RCAN2: variants seen among roughly 807,000 people sequenced by gnomAD.
RCAN2 encodes the protein calcipressin-2.
RCAN2 carries 9 observed loss-of-function variants against 23.6 expected under a neutral mutation model. That is an observed-to-expected ratio of 0.38 (90% CI 0.23 to 0.67). RCAN2 has a LOEUF of 0.67. Among genes scored for constraint, RCAN2 ranks in the 30% least tolerant of loss-of-function variants. RCAN2 has a pLI of 0.51. For missense variants in RCAN2, 273 were observed against 302.3 expected (o/e 0.90, Z 0.72); for synonymous variants, 109 against 115.7 (o/e 0.94, Z 0.37).
intron 2 of RCAN2, among the ~76,000 whole-genome samples, chr6:46,270,974 T>A (rs1767505083): frequency 6.6e-6 from 1 of 152,154 alleles, no homozygotes; most frequent in African/African-American, 2.4e-5. Context: ...CTTGTGAGAG[T>A]CCCTGAGCTA....
intron 1 of RCAN2, among the ~76,000 whole-genome samples, chr6:46,468,610 C>G (rs578008189): frequency 1.1e-3 from 174 of 152,142 alleles, no homozygotes; most frequent in Non-Finnish European, 1.5e-3. Flanking sequence ...CATTTATTGA[C>G]GTTTTTACAT....
intron 3 of RCAN2, 37 bp from the exon 4 acceptor site, chr6:46,246,956 C>G (rs190582768): frequency 6.8e-7 from 1 of 1,467,682 alleles, no homozygotes; most frequent in African/African-American, 1.4e-5. Context: ...ACTTATTCAT[C>G]ATGGCTTCAG....
Position 46,488,386 on chromosome 6 carries a change from T to G in RCAN2, c.-3+2787A>C, listed in dbSNP as rs142002435. The stretch of plus-strand genomic sequence containing the variant: ...AGTTCTAACTTCCTTGTGTTCAGTA[T>G]GTAGTAAGCACTGAATAAATGTTAG... On this transcript the variant is annotated intron_variant, in intron 1 of 4. Coordinates refer to ENST00000371374, the MANE Select transcript of RCAN2 (RefSeq NM_001251974.2). Among the ~76,000 whole-genome samples, 336 of 152,358 alleles carry G rather than the reference T, an allele frequency of 2.2e-3. 1 individual carries two copies. Among genetic ancestry groups the G allele is most frequent in the African/African-American group, 7.7e-3 (322 of 41,594 alleles).
chr6:46,397,666 T>C (rs988527564), intron 2 of RCAN2, among the ~76,000 whole-genome samples: 4 of 152,144 alleles, frequency 2.6e-5, no homozygotes, highest in African/African-American at 9.7e-5. Flanking sequence ...ACCCTTTACA[T>C]GTAAAAAAAT....
intron 2 of RCAN2, among the ~76,000 whole-genome samples, chr6:46,393,168 C>T (rs1024711001): frequency 6.6e-6 from 1 of 152,122 alleles, no homozygotes; most frequent in Non-Finnish European, 1.5e-5. Flanking sequence ...AACCACTTGA[C>T]CTTTAAGGGC....
chr6:46,262,087 G>A (rs1315524577), intron 2 of RCAN2, among the ~76,000 whole-genome samples: 2 of 151,792 alleles, frequency 1.3e-5, no homozygotes, highest in Non-Finnish European at 2.9e-5. Context: ...AGACCTCCAC[G>A]CCCCATATTC....
chr6:46,384,056 G>A (rs375145704), intron 2 of RCAN2, among the ~76,000 whole-genome samples: 7 of 152,136 alleles, frequency 4.6e-5, no homozygotes, highest in East Asian at 3.9e-4. Context: ...GGGATCCCGC[G>A]CAGTAGCTGC....
intron 2 of RCAN2, among the ~76,000 whole-genome samples, chr6:46,278,417 C>T (rs1767785458): frequency 6.6e-6 from 1 of 152,010 alleles, no homozygotes. Context: ...AACCCACACA[C>T]TTTATTCCTG....
intron 2 of RCAN2, among the ~76,000 whole-genome samples, chr6:46,456,165 T>G (rs567182623): frequency 3.3e-5 from 5 of 152,292 alleles, no homozygotes; most frequent in African/African-American, 1.2e-4. Flanking sequence ...CATTCCCCTA[T>G]CATTTCAAAT....
At chr6:46,470,285 T>C (rs901656098) in intron 1 of RCAN2, among the ~76,000 whole-genome samples, 2 of 152,178 alleles carry the variant, frequency 1.3e-5, no homozygotes, top group Non-Finnish European at 2.9e-5. Flanking sequence ...GCTATTTATA[T>C]TAGAGGAGAG....
intron 2 of RCAN2, among the ~76,000 whole-genome samples, chr6:46,292,255 C>A (rs977127763): frequency 3.9e-5 from 6 of 152,000 alleles, no homozygotes; most frequent in Non-Finnish European, 1.5e-5. Flanking sequence ...TTAGTTGGCC[C>A]CCAAATTAAG....
chr6:46,365,847 A>C (rs552438906), intron 2 of RCAN2, among the ~76,000 whole-genome samples: 1 of 152,342 alleles, frequency 6.6e-6, no homozygotes, highest in African/African-American at 2.4e-5. Flanking sequence ...GCTATATATA[A>C]CGCATCTTAA....
chr6:46,340,666 A>G (rs1764287790), intron 2 of RCAN2, among the ~76,000 whole-genome samples: 1 of 152,184 alleles, frequency 6.6e-6, no homozygotes, highest in South Asian at 2.1e-4. Context: ...GTATTACAGG[A>G]GTGGGAAATA....
Position 46,245,531 on chromosome 6 carries a change from G to A in RCAN2, c.571+1217C>T, listed in dbSNP as rs549483463. 7.2e-5 allele frequency among the ~76,000 whole-genome samples: 11 copies of A among 152,236 alleles called. 1 individual carries two copies. The South Asian group carries it at 1.2e-3, about 17-fold the overall frequency. On this transcript the variant is annotated intron_variant, in intron 4 of 4. Coordinates refer to ENST00000371374, the MANE Select transcript of RCAN2 (RefSeq NM_001251974.2). ...ATTCCTAGGGTTCTCAGGTTTTGGC[G>A]TATACAAGGATCAACAGATGTGATT...
chr6:46,240,262 T>A (rs1401705698), intron 4 of RCAN2, among the ~76,000 whole-genome samples: 1 of 152,150 alleles, frequency 6.6e-6, no homozygotes, highest in Non-Finnish European at 1.5e-5. Context: ...TTCCTTAAAG[T>A]ACTTTTTTTT....
At chr6:46,408,199 C>G (rs1266179124) in intron 2 of RCAN2, among the ~76,000 whole-genome samples, 1 of 152,182 alleles carries the variant, frequency 6.6e-6, no homozygotes, top group African/African-American at 2.4e-5. Flanking sequence ...GCTCCTATTA[C>G]TTCCCTGCGG....
intron 2 of RCAN2, among the ~76,000 whole-genome samples, chr6:46,397,682 C>T (rs1178602012): frequency 6.6e-6 from 1 of 151,820 alleles, no homozygotes; most frequent in African/African-American, 2.4e-5. Context: ...AAAATAAATG[C>T]CCTATAATAT....
chr6:46,378,770 T>A (rs1765547253), intron 2 of RCAN2, among the ~76,000 whole-genome samples: 1 of 152,166 alleles, frequency 6.6e-6, no homozygotes, highest in Non-Finnish European at 1.5e-5. Flanking sequence ...ACCTTCTTGC[T>A]TCTCATTAAA....
chr6:46,489,354 T>C (rs544539708), intron 1 of RCAN2, among the ~76,000 whole-genome samples: 3 of 152,348 alleles, frequency 2.0e-5, no homozygotes, highest in African/African-American at 4.8e-5. Flanking sequence ...GCTAAATTGA[T>C]TTCTGGGAGG....
Sources: allele counts gnomAD v4.1 joint callset (sites outside exome capture counted in the v4.1 genomes callset), GRCh38; gene constraint gnomAD v4.1.1; transcripts MANE v1.5; gene names NCBI Gene and HGNC (gene_info 2026-07-23, HGNC 2026-07-21).